RTN4RL1: variants seen among roughly 807,000 people sequenced by gnomAD.
RTN4RL1 encodes the protein reticulon 4 receptor like 1.
RTN4RL1 carries 7 observed loss-of-function variants against 25.6 expected under a neutral mutation model. That is an observed-to-expected ratio of 0.27 (90% CI 0.16 to 0.51). RTN4RL1 has a LOEUF of 0.51. RTN4RL1 is among the 20% of genes least tolerant of loss of function. RTN4RL1 has a pLI of 0.97. For missense variants in RTN4RL1, 500 were observed against 615.6 expected (o/e 0.81, Z 1.99); for synonymous variants, 297 against 288.2 (o/e 1.03, Z -0.31).
rs142375684 is a variant in RTN4RL1, at chr17:1,957,118, T to C, written c.14-19310A>G. ...TCAGTTAAATTAAAACTAAATAACGTTGGAATGAACATCTTTGTGCTCACG... is the reference window on the plus strand; with the variant it reads ...TCAGTTAAATTAAAACTAAATAACGCTGGAATGAACATCTTTGTGCTCACG... On this transcript the variant is annotated intron_variant, in intron 1 of 1. Transcript: ENST00000331238. Among the ~76,000 whole-genome samples the C allele has an allele frequency of 9.2e-5, 14 of 152,324 alleles. No homozygotes were observed. In the East Asian group the frequency reaches 2.5e-3, roughly 27 times the overall value.
intron 1 of RTN4RL1, among the ~76,000 whole-genome samples, chr17:1,966,161 G>A (rs1442812145): frequency 6.6e-6 from 1 of 152,100 alleles, no homozygotes; most frequent in Non-Finnish European, 1.5e-5. Flanking sequence ...CCCCACCAGC[G>A]CCTAATTACA....
rs764420876 is a variant in RTN4RL1, at chr17:1,936,632, C to T, written c.1190G>A (p.Arg397Gln). The change falls in exon 2 of 2, where the codon CGG becomes CAG. Residue 397 changes from arginine to glutamine, a missense_variant. By Grantham distance (43) the Arg-to-Gln change is conservative (BLOSUM62 1). Coordinates refer to ENST00000331238, the MANE Select transcript of RTN4RL1 (RefSeq NM_178568.4). ...GGCACACTTGCCCTTCCTCTTGGGC[C>T]GGGCCGTAGGCATGATGTCAAAACT... ...KFSFDIMPTA[R>Q]PKRKGKCARR... 18 of 1,595,252 alleles carry T rather than the reference C, an allele frequency of 1.1e-5. No individual in the cohort carries two copies. Among genetic ancestry groups the T allele is most frequent in the Middle Eastern group, 1.7e-4 (1 of 5,998 alleles).
chr17:2,010,554 A>AATTT (rs1454642185), intron 1 of RTN4RL1, among the ~76,000 whole-genome samples: 1 of 151,950 alleles, frequency 6.6e-6, no homozygotes, highest in African/African-American at 2.4e-5. Flanking sequence ...GGAAACTTGG[A>AATTT]ATTTATTTAT....
In RTN4RL1 at chr17:1,998,144, G is replaced by C. The variant is rs921743726; in HGVS notation, c.13+26709C>G. On this transcript the variant is annotated intron_variant, in intron 1 of 1. Transcript: ENST00000331238. This position sits in a 1 kb window ranked among gnomAD's most constrained non-coding sequence, Gnocchi z 4.9. ...GGAGCCAGACGGCGGCGGAGGGGGC[G>C]GGGAGGCCTCCTTGGCTCCCTGGCC... Among the ~76,000 whole-genome samples the C allele has an allele frequency of 1.3e-5, 2 of 152,154 alleles. No individual in the cohort carries two copies. Among genetic ancestry groups the C allele is most frequent in the Admixed American group, 6.5e-5 (1 of 15,282 alleles).
intron 1 of RTN4RL1, among the ~76,000 whole-genome samples, chr17:1,964,956 T>TG (rs2151311209): frequency 6.9e-6 from 1 of 145,958 alleles, no homozygotes; most frequent in African/African-American, 2.5e-5. Context: ...GCCTGGCTAA[T>TG]TTTTGTAATT....
intron 1 of RTN4RL1, among the ~76,000 whole-genome samples, chr17:1,960,217 C>A (rs1480806494): frequency 1.4e-5 from 2 of 138,948 alleles, no homozygotes; most frequent in Non-Finnish European, 3.1e-5. Flanking sequence ...GGGCCACTCT[C>A]TTCTGTTCCC....
intron 1 of RTN4RL1, among the ~76,000 whole-genome samples, chr17:2,008,469 C>T: frequency 6.6e-6 from 1 of 152,076 alleles, no homozygotes; most frequent in Non-Finnish European, 1.5e-5. Flanking sequence ...GCACGAACAC[C>T]CTGGGAGGGG....
chr17:1,953,210 C>T (rs1345433185), intron 1 of RTN4RL1, among the ~76,000 whole-genome samples: 1 of 151,910 alleles, frequency 6.6e-6, no homozygotes, highest in Admixed American at 6.6e-5. Context: ...GGTTTGAGAC[C>T]AACCTGGACA....
At chr17:1,962,300 GAAAA>G (rs1348026311) in intron 1 of RTN4RL1, among the ~76,000 whole-genome samples, 2 of 150,612 alleles carry the variant, frequency 1.3e-5, no homozygotes, top group Non-Finnish European at 1.5e-5. Context: ...AAGAAAGTAA[GAAAA>G]AAGAAAAGAA....
intron 1 of RTN4RL1, among the ~76,000 whole-genome samples, chr17:1,959,539 G>A (rs1204126737): frequency 2.0e-5 from 3 of 152,102 alleles, no homozygotes; most frequent in Non-Finnish European, 4.4e-5. Flanking sequence ...GTCCCCAGGT[G>A]AGCTTGTCCA....
chr17:1,941,760 T>C (rs1915442998), intron 1 of RTN4RL1, among the ~76,000 whole-genome samples: 1 of 152,140 alleles, frequency 6.6e-6, no homozygotes, highest in South Asian at 2.1e-4. Flanking sequence ...ACGCTGGAAG[T>C]TGGTCCCATC....
At chr17:1,945,457 T>C (rs1408549506) in intron 1 of RTN4RL1, among the ~76,000 whole-genome samples, 4 of 152,140 alleles carry the variant, frequency 2.6e-5, no homozygotes, top group Non-Finnish European at 2.9e-5. Context: ...TCCCAACCTC[T>C]TGATCCACCG....
chr17:2,024,866 G>C lies in RTN4RL1; in HGVS notation c.-1C>G, dbSNP rs780801247. ...GCTCCAACTCACCTTTGCGAAGCATGTTGGCCACGGGGCCGCCGCTCCGAG... is the reference window on the plus strand; with the variant it reads ...GCTCCAACTCACCTTTGCGAAGCATCTTGGCCACGGGGCCGCCGCTCCGAG... On this transcript the variant is annotated 5_prime_UTR_variant, in exon 1 of 2. Coordinates refer to ENST00000331238, the MANE Select transcript of RTN4RL1 (RefSeq NM_178568.4). The C allele has an allele frequency of 6.3e-7, 1 of 1,584,758 alleles. No homozygotes were observed. The highest frequency in any genetic ancestry group is 1.4e-5 in the African/African-American group (1 of 73,856).
chr17:1,940,377 C>T (rs1311870030), intron 1 of RTN4RL1, among the ~76,000 whole-genome samples: 17 of 152,194 alleles, frequency 1.1e-4, no homozygotes, highest in Admixed American at 1.1e-3. Context: ...ACTTCTGTCC[C>T]GCCCAGTGCA....
rs78118164 is a variant in RTN4RL1, at chr17:1,950,106, G to A, written c.14-12298C>T. ...GAGAAGTCACTGAAGAGCCCGGGGC[G>A]GGAGCAACAGGATTGGGTTTGGATT... is the stretch of plus-strand genomic sequence containing the variant. On this transcript the variant is annotated intron_variant, in intron 1 of 1. Coordinates refer to ENST00000331238, the MANE Select transcript of RTN4RL1 (RefSeq NM_178568.4). Among the ~76,000 whole-genome samples the A allele has an allele frequency of 6.6e-5, 10 of 152,194 alleles. No homozygotes were observed. The East Asian group carries it at 1.2e-3, about 18-fold the overall frequency.
chr17:1,952,027 C>A (rs866762717), intron 1 of RTN4RL1, among the ~76,000 whole-genome samples: 4 of 150,410 alleles, frequency 2.7e-5, no homozygotes, highest in South Asian at 2.1e-4. Context: ...TGAGGCTCTG[C>A]TCCAGGACCT....
rs944754670 is a variant in RTN4RL1 at position 1,973,804 on chromosome 17, C to A, written c.14-35996G>T. ...CTGTAATCCCAGCACTTTGGGAGGC[C>A]GAGACAGGCGGATCACCTGAGGTCA... On this transcript the variant is annotated intron_variant, in intron 1 of 1. Coordinates refer to ENST00000331238, the MANE Select transcript of RTN4RL1 (RefSeq NM_178568.4). Among the ~76,000 whole-genome samples the A allele has an allele frequency of 2.6e-5, 4 of 151,938 alleles. No homozygotes were observed. The East Asian group carries it at 7.7e-4, about 29-fold the overall frequency.
intron 1 of RTN4RL1, among the ~76,000 whole-genome samples, chr17:1,999,142 T>TAC (rs147931732): frequency 0.016 from 2,336 of 147,900 alleles, 44 homozygotes; most frequent in African/African-American, 0.04. Context: ...GTGCTCATCA[T>TAC]ACACACACAC....
At chr17:2,004,814 C>T (rs2066982421) in intron 1 of RTN4RL1, among the ~76,000 whole-genome samples, 1 of 152,138 alleles carries the variant, frequency 6.6e-6, no homozygotes, top group South Asian at 2.1e-4. Flanking sequence ...CTGTCCTGAT[C>T]ACTCACACAG....
Sources: gnomAD v4.1 joint callset for allele counts (sites outside exome capture counted in the v4.1 genomes callset) on GRCh38, gnomAD v4.1.1 for gene constraint, Gnocchi (gnomAD v3.1) non-coding constraint, MANE v1.5 for transcripts, NCBI Gene and HGNC (gene_info 2026-07-23, HGNC 2026-07-21) for gene names.